The following SMARCC1 variants were observed in gnomAD, a reference collection of about 807,000 sequenced individuals.
SMARCC1 encodes SWI/SNF complex subunit SMARCC1.
SMARCC1 carries 43 observed loss-of-function variants against 147.4 expected under a neutral mutation model. The observed-to-expected ratio is 0.29, with a 90% CI of 0.23 to 0.38. The LOEUF (loss-of-function observed/expected upper bound fraction) is 0.38. Ranked by LOEUF, SMARCC1 falls within the 10% of genes least tolerant of loss-of-function variation. The pLI, the probability that SMARCC1 is intolerant of heterozygous loss-of-function variation, is 1.00. For missense variants in SMARCC1, 1,119 were observed against 1,381.1 expected, an observed-to-expected ratio of 0.81 and a Z score of 3.01; for synonymous variants, 495 against 484.4, an observed-to-expected ratio of 1.02 and a Z score of -0.29.
intron 3 of SMARCC1, among the ~76,000 whole-genome samples, chr3:47,742,863 A>G (rs1576428248): frequency 6.6e-6 from 1 of 152,192 alleles, no homozygotes; most frequent in East Asian, 1.9e-4. Context: ...GATTACAGGC[A>G]TGAGCCACCA....
intron 2 of SMARCC1, among the ~76,000 whole-genome samples, chr3:47,762,862 C>T (rs569848995): frequency 2.0e-5 from 3 of 152,126 alleles, no homozygotes; most frequent in African/African-American, 7.2e-5. Flanking sequence ...GTCAGGAGAT[C>T]GAGACCATCC....
chr3:47,640,311 C>T (rs990478273), intron 21 of SMARCC1, among the ~76,000 whole-genome samples: 1 of 151,622 alleles, frequency 6.6e-6, no homozygotes, highest in East Asian at 1.9e-4. Context: ...TATTCCCAAA[C>T]GTTGGTTCTT....
intron 6 of SMARCC1, among the ~76,000 whole-genome samples, chr3:47,725,558 C>T (rs1446532802): frequency 6.6e-6 from 1 of 152,022 alleles, no homozygotes; most frequent in African/African-American, 2.4e-5. Flanking sequence ...TTGAGCAATT[C>T]TCCCACCTCA....
At chr3:47,598,276 T>C (rs188444622) in intron 26 of SMARCC1, among the ~76,000 whole-genome samples, 229 of 152,270 alleles carry the variant, frequency 1.5e-3, no homozygotes, top group Non-Finnish European at 2.1e-3. Context: ...GAGGCCTACT[T>C]TTAAAACTAA....
Position 47,663,834 on chromosome 3 carries a change from G to A in SMARCC1, c.1900-1242C>T, listed in dbSNP as rs945145939. 1.4e-4 allele frequency: 225 copies of A among 1,578,744 alleles called. 1 individual carries two copies. The East Asian group carries it at 4.4e-3, about 31-fold the overall frequency. On this transcript the variant is annotated intron_variant, in intron 19 of 27. Transcript: ENST00000254480. ...TCCTTCCACCGGGGCAACAGCCAGCGCTCTCAGCTCATGATGTGCACCTGG... is the reference window on the plus strand; with the variant it reads ...TCCTTCCACCGGGGCAACAGCCAGCACTCTCAGCTCATGATGTGCACCTGG...
chr3:47,719,149 C>T (rs940094482), intron 7 of SMARCC1, among the ~76,000 whole-genome samples: 1 of 151,792 alleles, frequency 6.6e-6, no homozygotes, highest in African/African-American at 2.4e-5. Context: ...CTCCTGACCT[C>T]GTGATCCGCC....
chr3:47,777,113 G>C (rs185817777), intron 1 of SMARCC1, among the ~76,000 whole-genome samples: 24 of 149,242 alleles, frequency 1.6e-4, no homozygotes, highest in African/African-American at 5.7e-4. Context: ...AGAGAGTCTT[G>C]CTCTGTCACC....
At chr3:47,682,161 G>A (rs1303918248) in intron 14 of SMARCC1, among the ~76,000 whole-genome samples, 1 of 151,860 alleles carries the variant, frequency 6.6e-6, no homozygotes, top group Non-Finnish European at 1.5e-5. Context: ...CGGGCATGGT[G>A]TTGGGTGCCT....
chr3:47,695,451 G>A (rs1462674348), intron 11 of SMARCC1, among the ~76,000 whole-genome samples: 1 of 152,116 alleles, frequency 6.6e-6, no homozygotes, highest in Non-Finnish European at 1.5e-5. Flanking sequence ...CTCAGCATCT[G>A]TCCCTGTAGT....
chr3:47,758,971 C>A (rs994365522), intron 2 of SMARCC1, among the ~76,000 whole-genome samples: 3 of 150,854 alleles, frequency 2.0e-5, no homozygotes, highest in Non-Finnish European at 3.0e-5. Flanking sequence ...GAGCTGAGAT[C>A]GCACCATTGC....
intron 4 of SMARCC1, among the ~76,000 whole-genome samples, chr3:47,736,945 T>C (rs1003971127): frequency 6.6e-6 from 1 of 152,112 alleles, no homozygotes; most frequent in Non-Finnish European, 1.5e-5. Flanking sequence ...ATAAACATAT[T>C]AGGAAACACA....
intron 25 of SMARCC1, among the ~76,000 whole-genome samples, chr3:47,614,225 T>G (rs894195279): frequency 2.6e-5 from 4 of 152,244 alleles, no homozygotes; most frequent in African/African-American, 4.8e-5. Context: ...TACTTCCATG[T>G]GTACTTCTGG....
intron 12 of SMARCC1, 27 bp downstream of exon 12, chr3:47,693,214 A>G (rs1229287716): frequency 1.6e-6 from 2 of 1,289,284 alleles, no homozygotes; most frequent in Middle Eastern, 1.8e-4. Context: ...GAAAGCACAG[A>G]CCAGTGTATA....
At chr3:47,680,710 G>T (rs1353384934) in intron 14 of SMARCC1, among the ~76,000 whole-genome samples, 1 of 151,456 alleles carries the variant, frequency 6.6e-6, no homozygotes, top group South Asian at 2.1e-4. Flanking sequence ...ACTACGCCCG[G>T]CTAATTTTTT....
rs780039611 is a variant in SMARCC1, at chr3:47,714,449, A to G, written c.758T>C (p.Ile253Thr). 1.8e-5 allele frequency: 29 copies of G among 1,595,752 alleles called. 2 individuals are homozygous for G. Among genetic ancestry groups the G allele is most frequent in the South Asian group, 1.2e-4 (11 of 90,054 alleles). The change falls in exon 8 of 28, where the codon ATT becomes ACT. Residue 253 changes from isoleucine (I) to threonine (T), a missense_variant. Physicochemically the swap from Ile to Thr is moderately conservative, Grantham distance 89. Around this residue, in one of 6 missense-constraint regions of SMARCC1, gnomAD observed 542 missense variants for 611.8 expected, o/e 0.89. Transcript: ENST00000254480. The part of the protein sequence containing the change: ...WVHSNDVDAE[I>T]EDPPIPEKPW... The stretch of plus-strand genomic sequence containing the variant: ...TTTTTCTGGAATTGGTGGATCTTCA[A>G]TTTCAGCATCAACATCATTACTATG...
intron 26 of SMARCC1, among the ~76,000 whole-genome samples, chr3:47,607,317 A>G (rs2032491177): frequency 6.6e-6 from 1 of 152,224 alleles, no homozygotes; most frequent in Non-Finnish European, 1.5e-5. Flanking sequence ...TCCCAAAGTA[A>G]ACTTAGCCCT....
chr3:47,652,164 T>G (rs1016975975), intron 21 of SMARCC1, among the ~76,000 whole-genome samples: 1 of 152,146 alleles, frequency 6.6e-6, no homozygotes, highest in Non-Finnish European at 1.5e-5. Context: ...TTTGTAGAGA[T>G]GGGGTCTTGC....
chr3:47,700,558 G>A (rs916327337), intron 11 of SMARCC1, among the ~76,000 whole-genome samples: 2 of 151,892 alleles, frequency 1.3e-5, no homozygotes, highest in African/African-American at 2.4e-5. Flanking sequence ...TCACTCTGTC[G>A]CCCAGGCTGG....
intron 26 of SMARCC1, among the ~76,000 whole-genome samples, chr3:47,608,007 T>C (rs573099748): frequency 5.9e-5 from 9 of 152,358 alleles, no homozygotes; most frequent in Admixed American, 1.3e-4. Flanking sequence ...CTTTGGTTAC[T>C]GAGGGGCAGC....
Sources: gnomAD v4.1 joint callset for allele counts (sites outside exome capture counted in the v4.1 genomes callset) on GRCh38, gnomAD v4.1.1 for gene constraint, gnomAD v4.1.1 regional missense constraint, MANE v1.5 for transcripts, NCBI Gene and HGNC (gene_info 2026-07-23, HGNC 2026-07-21) for gene names.